The following MYO15A variants were observed in gnomAD, a reference collection of about 807,000 sequenced individuals.
MYO15A encodes myosin XVA, also known as unconventional myosin-XV.
In MYO15A, 308 loss-of-function variants were observed where a neutral mutation model predicts 394.6. That is an observed-to-expected ratio of 0.78 (90% CI 0.71 to 0.86). The LOEUF (loss-of-function observed/expected upper bound fraction) is 0.86. Ranked by LOEUF, MYO15A falls within the 40% of genes least tolerant of loss-of-function variation. The pLI, the probability that MYO15A is intolerant of heterozygous loss-of-function variation, is 0.00. For synonymous variants in MYO15A, 1,957 were observed against 2,003.8 expected (o/e 0.98, Z 0.62); for missense variants, 4,606 against 4,799.1 (o/e 0.96, Z 1.19).
At chr17:18,151,033 T>G in intron 38 of MYO15A, 77 bp from the exon 39 acceptor site, 1 of 1,609,264 alleles carries the variant, frequency 6.2e-7, no homozygotes, top group African/African-American at 1.3e-5. Flanking sequence ...ACAACCCATC[T>G]CTGACAGAGA....
rs1325710823 is a variant in MYO15A, at chr17:18,151,604, G to A, written c.7787+77G>A. ...GTCCATCATGGCCCACCAGCTTACTGGGTTGAAGCGCCCTGCCCAGCTCCT... is the reference window on the plus strand; with the variant it reads ...GTCCATCATGGCCCACCAGCTTACTAGGTTGAAGCGCCCTGCCCAGCTCCT... On this transcript the variant is annotated intron_variant, in intron 40 of 65. Transcript: ENST00000647165. 17 of 1,575,930 alleles carry A rather than the reference G, an allele frequency of 1.1e-5. 1 individual carries two copies. The South Asian group carries it at 1.2e-4, about 11-fold the overall frequency.
chr17:18,157,166 T>C lies in MYO15A; in HGVS notation c.8724T>C (p.Ala2908=), dbSNP rs2046689822. ...GAGCCTGGCCCATAGGCTACAGTGCTGGCTGCGTGGTTCGCAGGAAGGTGG... is the reference window on the plus strand; with the variant it reads ...GAGCCTGGCCCATAGGCTACAGTGCCGGCTGCGTGGTTCGCAGGAAGGTGG... ...PLEPPRVGYS[A]GCVVRRKVVY... Residue 2908 remains alanine, a synonymous_variant, in exon 50 of 66, where the codon GCT becomes GCC. Coordinates refer to ENST00000647165, the MANE Select transcript of MYO15A (RefSeq NM_016239.4). The C allele has an allele frequency of 6.2e-7, 1 of 1,610,870 alleles. No homozygotes were observed. Among genetic ancestry groups the C allele is most frequent in the Non-Finnish European group, 8.5e-7 (1 of 1,178,582 alleles).
At chr17:18,137,155 A>G (rs1366481177) in intron 15 of MYO15A, among the ~76,000 whole-genome samples, 1 of 152,212 alleles carries the variant, frequency 6.6e-6, no homozygotes, top group African/African-American at 2.4e-5. Flanking sequence ...GGACAGGGCA[A>G]GATCACCATG....
rs2045924425 is a variant in MYO15A at position 18,121,288 on chromosome 17, G to A, written c.2488G>A (p.Ala830Thr). Residue 830 changes from alanine to threonine, a missense_variant, in exon 2 of 66, where the codon GCT becomes ACT. Transcript: ENST00000647165. This position sits in a 1 kb window ranked among gnomAD's most constrained non-coding sequence, Gnocchi z 5.3. ...GGAGTCCCCAGCCCCACGCCGAGCC[G>A]CTGGGCGCCTGGGCCCACCCGGCTC... ...LQESPAPRRA[A>T]GRLGPPGSPL... 3.0e-6 allele frequency: 4 copies of A among 1,351,088 alleles called. No individual in the cohort carries two copies. The highest frequency in any genetic ancestry group is 1.7e-5 in the South Asian group (1 of 59,968). The allele number at this position is 1,351,088 out of a possible 1,614,324, so 83.7% of individuals were successfully genotyped here.
Position 18,121,250 on chromosome 17 carries a change from C to T in MYO15A, c.2450C>T (p.Pro817Leu). The change falls in exon 2 of 66, where the codon CCC (proline) becomes CTC (leucine). Residue 817 changes from proline (P) to leucine (L), a missense_variant. Around this residue, in one of 2 missense-constraint regions of MYO15A, gnomAD observed 1,830 missense variants for 1,689.7 expected, o/e 1.08. Transcript: ENST00000647165. The surrounding 1 kb of genome is among the most constrained non-coding windows in gnomAD (Gnocchi z 5.3). The part of the protein sequence containing the change: ...QPPFLPPARR[P>L]RSLQESPAPR... Reference sequence around the variant, plus strand: ...CCCTTCCTGCCCCCGGCCCGCCGGCCCCGCTCGCTGCAGGAGTCCCCAGCC... The same window carrying T: ...CCCTTCCTGCCCCCGGCCCGCCGGCTCCGCTCGCTGCAGGAGTCCCCAGCC... 1 of 1,471,006 alleles carries T rather than the reference C, an allele frequency of 6.8e-7. No individual in the cohort carries two copies. The allele number at this position is 1,471,006 out of a possible 1,614,324, so 91.1% of individuals were successfully genotyped here. A position where few individuals can be genotyped will look rare whatever the true frequency, so the allele number is the denominator to read the frequency against.
At chr17:18,142,613 CCA>C (rs2046401909) in intron 24 of MYO15A, 141 bp from the exon 25 acceptor site, 5 of 745,606 alleles carry the variant, frequency 6.7e-6, no homozygotes, top group South Asian at 4.6e-5. Flanking sequence ...TCTCTGAGCT[CCA>C]GTTTCCCTTT....
chr17:18,148,163 C>T lies in MYO15A; in HGVS notation c.6644C>T (p.Ala2215Val), dbSNP rs576327621. Residue 2215 changes from alanine (A) to valine (V), a missense_variant, in exon 31 of 66, where the codon GCG becomes GTG. By Grantham distance (64) the Ala-to-Val change is moderately conservative. Around this residue, in one of 2 missense-constraint regions of MYO15A, gnomAD observed 2,776 missense variants for 3,109.3 expected, o/e 0.89. Transcript: ENST00000647165. This position sits in a 1 kb window ranked among gnomAD's most constrained non-coding sequence, Gnocchi z 4.8. ...TLPPTQLEWT[A>V]TYEKASMALD... ...CCCCCGACCCAGCTCGAGTGGACAG[C>T]GACCTATGAGAAGGCCAGCATGGCG... 6.8e-6 allele frequency: 11 copies of T among 1,613,826 alleles called. No homozygotes were observed. In the African/African-American group the frequency reaches 8.0e-5, roughly 12 times the overall value.
At chr17:18,110,445 C>T (rs1434013675) in intron 1 of MYO15A, 3 of 152,254 alleles carry the variant, frequency 2.0e-5, no homozygotes, top group Admixed American at 6.5e-5. Flanking sequence ...CCTCTCTGGG[C>T]CCATGTCCTC....
At position 18,118,746 on chromosome 17, in the gene MYO15A, A is replaced by G. The variant is rs1435871416; in HGVS notation, c.-55A>G. 4.4e-6 allele frequency: 7 copies of G among 1,606,060 alleles called. No individual in the cohort carries two copies. Among genetic ancestry groups the G allele is most frequent in the Non-Finnish European group, 5.9e-6 (7 of 1,177,656 alleles). ...AGACAGAGCAGGTCCCTGTGTCTCC[A>G]AGTCCCTGAGCCCGTGACACCGGCC... On this transcript the variant is annotated 5_prime_UTR_variant, in exon 2 of 66. Coordinates refer to ENST00000647165, the MANE Select transcript of MYO15A (RefSeq NM_016239.4).
rs369074496 is a variant in MYO15A, at chr17:18,150,460, G to A, written c.7244G>A (p.Arg2415His). Residue 2415 changes from arginine (R) to histidine (H), a missense_variant, in exon 36 of 66, where the codon CGC becomes CAC. Transcript: ENST00000647165. This position sits in a 1 kb window ranked among gnomAD's most constrained non-coding sequence, Gnocchi z 4.4. ...DLEKPTAIAYRMKGGGQPGGG... is the reference protein window; with the variant it reads ...DLEKPTAIAYHMKGGGQPGGG... Reference sequence around the variant, plus strand: ...GAGAAGCCAACAGCCATTGCCTACCGCATGAAAGGGGGAGGCCAGCCCGGT... The same window carrying A: ...GAGAAGCCAACAGCCATTGCCTACCACATGAAAGGGGGAGGCCAGCCCGGT... The A allele has an allele frequency of 1.2e-4, 188 of 1,614,004 alleles. No individual in the cohort carries two copies. The highest frequency in any genetic ancestry group is 4.6e-4 in the South Asian group (42 of 91,082).
rs1372285560 is a variant in MYO15A, at chr17:18,139,536, G to T, written c.5136G>T (p.Val1712=). ...KHYAGKVTYQ[V]HKFLDKNHDQ... ...CAGGCCATTGTTCCCCTTTTCAGGT[G>T]CACAAGTTCCTGGACAAGAACCACG... is the stretch of plus-strand genomic sequence containing the variant. The change falls in exon 19 of 66, where the codon GTG becomes GTT. Residue 1712 remains valine, a splice_region_variant and synonymous_variant. Transcript: ENST00000647165. 3 of 1,613,800 alleles carry T rather than the reference G, an allele frequency of 1.9e-6. No homozygotes were observed. The highest frequency in any genetic ancestry group is 2.5e-6 in the Non-Finnish European group (3 of 1,179,948).
chr17:18,160,393 T>G (rs1420282607), intron 56 of MYO15A, among the ~76,000 whole-genome samples: 1 of 152,180 alleles, frequency 6.6e-6, no homozygotes, highest in East Asian at 1.9e-4. Flanking sequence ...GCAGGCTTTC[T>G]CCATCTTCTG....
Position 18,120,768 on chromosome 17 carries a change from C to G in MYO15A, c.1968C>G (p.His656Gln). ...AGCCCGCGCCCAGGACCCTCTCCCA[C>G]TGGAGCGCGCTCCTGTCTCCGCCCG... ...APQPAPRTLSHWSALLSPPVP... is the reference protein window; with the variant it reads ...APQPAPRTLSQWSALLSPPVP... The change falls in exon 2 of 66, where the codon CAC becomes CAG. Residue 656 changes from histidine (H) to glutamine (Q), a missense_variant. Physicochemically the swap from His to Gln is conservative, Grantham distance 24 (BLOSUM62 0). Coordinates refer to ENST00000647165, the MANE Select transcript of MYO15A (RefSeq NM_016239.4). 2 of 1,436,866 alleles carry G rather than the reference C, an allele frequency of 1.4e-6. No individual in the cohort carries two copies. Among genetic ancestry groups the G allele is most frequent in the Non-Finnish European group, 9.1e-7 (1 of 1,104,912 alleles). 89.0% of individuals were successfully genotyped at this position (1,436,866 alleles called of 1,614,324 possible).
rs776340062 is a variant in MYO15A, at chr17:18,140,529, C to T, written c.5224C>T (p.Leu1742Phe). ...GACCCCTGCCCAGGTGGTGGCACACCTCTTCTCCAGCCATGCCCCACAGGC... is the reference window on the plus strand; with the variant it reads ...GACCCCTGCCCAGGTGGTGGCACACTTCTTCTCCAGCCATGCCCCACAGGC... The part of the protein sequence containing the change: ...VRSRTRVVAH[L>F]FSSHAPQAAP... Residue 1742 changes from leucine to phenylalanine, a missense_variant, in exon 20 of 66, where the codon CTC becomes TTC. Around this residue, in one of 2 missense-constraint regions of MYO15A, gnomAD observed 2,776 missense variants for 3,109.3 expected, o/e 0.89. Coordinates refer to ENST00000647165, the MANE Select transcript of MYO15A (RefSeq NM_016239.4). The T allele has an allele frequency of 2.0e-5, 33 of 1,613,456 alleles. No individual in the cohort carries two copies. Among genetic ancestry groups the T allele is most frequent in the South Asian group, 3.3e-5 (3 of 91,084 alleles).
intron 59 of MYO15A, 123 bp downstream of exon 59, chr17:18,163,444 G>A (rs1478026318): frequency 9.6e-6 from 10 of 1,047,060 alleles, no homozygotes; most frequent in African/African-American, 1.6e-5. Context: ...CTCTCCCACA[G>A]CCCCACAAGG....
chr17:18,143,935 C>A lies in MYO15A; in HGVS notation c.6112C>A (p.Arg2038Ser). Residue 2038 changes from arginine to serine, a missense_variant, in exon 28 of 66, where the codon CGT (arginine) becomes AGT (serine). This residue lies in a region of MYO15A where 2,776 missense variants were observed against 3,109.3 expected (regional missense o/e 0.89). Transcript: ENST00000647165. ...VRTPRLQAEP[R>S]VTLPLDINNY... ...GACTCCTCGACTCCAGGCTGAGCCC[C>A]GTGTCACACTGCCCCTGGACATCAA... 6.2e-7 allele frequency: 1 copy of A among 1,610,908 alleles called. No homozygotes were observed. The highest frequency in any genetic ancestry group is 8.5e-7 in the Non-Finnish European group (1 of 1,178,794).
chr17:18,157,829 G>GGCC lies in MYO15A; in HGVS notation c.8898_8900dup (p.Arg2967dup), dbSNP rs767918389. 1 of 1,596,550 alleles carries GGCC rather than the reference G, an allele frequency of 6.3e-7. No homozygotes were observed. The highest frequency in any genetic ancestry group is 8.5e-7 in the Non-Finnish European group (1 of 1,176,918). On this transcript the variant is annotated inframe_insertion, in exon 51 of 66. Transcript: ENST00000647165. ...GCAGCTGCCAACGGAGCCAGGCCGC[G>GGCC]GCCGAGCAGCCGCCGTGGCCGCTGC...
chr17:18,126,065 A>C (rs1414002614), intron 4 of MYO15A, among the ~76,000 whole-genome samples: 1 of 152,242 alleles, frequency 6.6e-6, no homozygotes, highest in African/African-American at 2.4e-5. Flanking sequence ...GCCTGGGCCC[A>C]ACCTTGAACA....
At position 18,148,270 on chromosome 17, in the gene MYO15A, C is replaced by G; in HGVS notation, c.6691+60C>G. ...GGGAGTCAGCAGGGCCCAGTGAGCC[C>G]CGGGGATGGCAGAAGCCACTGGATG... On this transcript the variant is annotated intron_variant, in intron 31 of 65. Transcript: ENST00000647165. The surrounding 1 kb of genome is among the most constrained non-coding windows in gnomAD (Gnocchi z 4.8). 6.2e-7 allele frequency: 1 copy of G among 1,601,432 alleles called. No homozygotes were observed. The highest frequency in any genetic ancestry group is 2.3e-5 in the East Asian group (1 of 44,252).
Sources: gnomAD v4.1 joint callset for allele counts (sites outside exome capture counted in the v4.1 genomes callset) on GRCh38, gnomAD v4.1.1 for gene constraint, gnomAD v4.1.1 regional missense constraint, Gnocchi (gnomAD v3.1) non-coding constraint, MANE v1.5 for transcripts, NCBI Gene and HGNC (gene_info 2026-07-23, HGNC 2026-07-21) for gene names.